Variants in CHD1 observed in about 807,000 individuals in gnomAD.
CHD1 encodes chromodomain helicase DNA binding protein 1.
CHD1 carries 36 observed loss-of-function variants against 224.2 expected under a neutral mutation model. That is an observed-to-expected ratio of 0.16 (90% CI 0.12 to 0.21). The LOEUF (loss-of-function observed/expected upper bound fraction) is 0.21, where lower values mean the gene tolerates loss of function less well. Ranked by LOEUF, CHD1 falls within the 10% of genes least tolerant of loss-of-function variation. The pLI is 1.00. For missense variants in CHD1, 1,378 were observed against 1,994.8 expected (o/e 0.69, Z 5.89); for synonymous variants, 668 against 658.3 (o/e 1.01, Z -0.23).
chr5:98,870,786 G>C lies in CHD1; in HGVS notation c.3879C>G (p.Pro1293=), dbSNP rs201404335. The stretch of plus-strand genomic sequence containing the variant: ...ACTGTTTTGCTTGTGGTTTTTTATC[G>C]GGATCATCTGGAAGAATCTGAAAAA... ...SLTHKILPDD[P]DKKPQAKQLQ... The change falls in exon 29 of 36, where the codon CCC becomes CCG. Residue 1293 remains proline (P), a synonymous_variant. Coordinates refer to ENST00000614616, the MANE Select transcript of CHD1 (RefSeq NM_001270.4). 6.2e-6 allele frequency: 10 copies of C among 1,608,580 alleles called. No homozygotes were observed. Among genetic ancestry groups the C allele is most frequent in the Non-Finnish European group, 8.5e-6 (10 of 1,176,702 alleles).
chr5:98,901,416 C>T, intron 5 of CHD1, 81 bp from the exon 6 acceptor site: 1 of 1,124,398 alleles, frequency 8.9e-7, no homozygotes, highest in Non-Finnish European at 1.3e-6. Context: ...ATCAAATCAA[C>T]CAAACTATAT....
chr5:98,883,361 A>T, intron 18 of CHD1, 124 bp from the exon 19 acceptor site: 1 of 505,874 alleles, frequency 2.0e-6, no homozygotes, highest in Non-Finnish European at 3.5e-6. Flanking sequence ...AAGACCAATC[A>T]ACAAAAAGAC....
chr5:98,928,372 GC>G (rs1753638434), intron 1 of CHD1, among the ~76,000 whole-genome samples, 166 bp downstream of exon 1: 1 of 151,810 alleles, frequency 6.6e-6, no homozygotes, highest in Non-Finnish European at 1.5e-5. Flanking sequence ...CCGCTCACAC[GC>G]CCCCTGCGCG....
At chr5:98,920,916 A>G (rs1419625192) in intron 2 of CHD1, among the ~76,000 whole-genome samples, 1 of 152,198 alleles carries the variant, frequency 6.6e-6, no homozygotes, top group Non-Finnish European at 1.5e-5. Flanking sequence ...ACTCTCACAG[A>G]TGAAAGGAGA....
At chr5:98,868,220 G>A (rs1226881701) in intron 31 of CHD1, among the ~76,000 whole-genome samples, 2 of 151,148 alleles carry the variant, frequency 1.3e-5, no homozygotes, top group African/African-American at 4.9e-5. Flanking sequence ...CCAGCTACTC[G>A]AGAGGCTGAG....
chr5:98,884,476 A>G (rs1337336894), intron 18 of CHD1, among the ~76,000 whole-genome samples: 1 of 151,990 alleles, frequency 6.6e-6, no homozygotes, highest in Non-Finnish European at 1.5e-5. Context: ...CAAAGTAATA[A>G]GAATGATACA....
intron 12 of CHD1, among the ~76,000 whole-genome samples, chr5:98,895,856 G>T (rs1298650460): frequency 6.6e-6 from 1 of 151,912 alleles, no homozygotes; most frequent in East Asian, 1.9e-4. Flanking sequence ...CTTATTTGTG[G>T]CAAGTTCTAT....
chr5:98,898,664 C>A lies in CHD1; in HGVS notation c.1186G>T (p.Ala396Ser). The A allele has an allele frequency of 6.7e-7, 1 of 1,494,710 alleles. No homozygotes were observed. The highest frequency in any genetic ancestry group is 2.3e-5 in the East Asian group (1 of 43,918). 92.6% of individuals were successfully genotyped at this position (1,494,710 alleles called of 1,614,324 possible). ...TTAACTAGAATCATTTATCACTAAC[C>A]AATTATACGTTCCACTATTTGATAC... ...KQYQIVERII[A>S]HSNQKSAAGY... The change falls in exon 9 of 36, where the codon GCT becomes TCT. Residue 396 changes from alanine to serine, a missense_variant and splice_region_variant. Around this residue, in one of 16 missense-constraint regions of CHD1, gnomAD observed 13 missense variants for 23.3 expected, o/e 0.56. Coordinates refer to ENST00000614616, the MANE Select transcript of CHD1 (RefSeq NM_001270.4).
intron 17 of CHD1, among the ~76,000 whole-genome samples, chr5:98,887,025 T>TA (rs1475925794): frequency 1.3e-5 from 2 of 152,248 alleles, no homozygotes; most frequent in Non-Finnish European, 2.9e-5. Context: ...GAGGAATAGC[T>TA]AAAGGCTACA....
Position 98,869,808 on chromosome 5 carries a change from T to C in CHD1, c.4053A>G (p.Ile1351Met). 6.2e-7 allele frequency: 1 copy of C among 1,612,360 alleles called. No homozygotes were observed. ...AAGGCAGAGGAGAAGAATCACTCTT[T>C]ATTTCCTCTTTCACTTTTATAGACT... ...AMKSIKVKEEIKSDSSPLPSE... is the reference protein window; with the variant it reads ...AMKSIKVKEEMKSDSSPLPSE... The change falls in exon 30 of 36, where the codon ATA becomes ATG. Residue 1351 changes from isoleucine (I) to methionine (M), a missense_variant. Ile to Met is a conservative substitution (Grantham distance 10). This residue lies in a region of CHD1 where 105 missense variants were observed against 93.4 expected (regional missense o/e 1.12). Transcript: ENST00000614616.
chr5:98,869,659 G>T (rs1749182847), intron 30 of CHD1, 95 bp downstream of exon 30: 5 of 1,230,096 alleles, frequency 4.1e-6, no homozygotes, highest in African/African-American at 1.6e-5. Context: ...CACAGACTTC[G>T]GTACCTAAAA....
chr5:98,901,476 T>C, intron 5 of CHD1, 141 bp from the exon 6 acceptor site: 1 of 646,726 alleles, frequency 1.5e-6, no homozygotes, highest in Non-Finnish European at 2.4e-6. Flanking sequence ...ATGAAATATT[T>C]ATAAAACAAA....
At chr5:98,896,519 T>C (rs1004276509) in intron 11 of CHD1, 77 bp from the exon 12 acceptor site, 12 of 954,118 alleles carry the variant, frequency 1.3e-5, no homozygotes, top group African/African-American at 1.7e-5. Context: ...CATGTGTATA[T>C]GTTTTTATGA....
chr5:98,879,452 G>C (rs1750006791), intron 23 of CHD1, 100 bp downstream of exon 23: 1 of 1,036,922 alleles, frequency 9.6e-7, no homozygotes, highest in African/African-American at 1.7e-5. Context: ...GCCATTACAA[G>C]AAAAGAAAAC....
intron 1 of CHD1, among the ~76,000 whole-genome samples, chr5:98,927,704 T>C (rs914075520): frequency 2.0e-5 from 3 of 152,176 alleles, no homozygotes; most frequent in African/African-American, 7.2e-5. Flanking sequence ...GTTAACAAAC[T>C]GCCTTTCCCG....
chr5:98,895,308 G>A (rs1751274820), intron 12 of CHD1, among the ~76,000 whole-genome samples: 1 of 152,208 alleles, frequency 6.6e-6, no homozygotes, highest in Non-Finnish European at 1.5e-5. Flanking sequence ...GATGAAATAT[G>A]ATGTCTGGGG....
At chr5:98,878,856 C>A (rs1749960342) in intron 23 of CHD1, among the ~76,000 whole-genome samples, 1 of 152,018 alleles carries the variant, frequency 6.6e-6, no homozygotes, top group Non-Finnish European at 1.5e-5. Flanking sequence ...AAAAGTAACG[C>A]TTAAAGAAAA....
chr5:98,871,958 G>T, intron 28 of CHD1, 93 bp downstream of exon 28: 1 of 1,231,240 alleles, frequency 8.1e-7, no homozygotes, highest in Non-Finnish European at 1.1e-6. Context: ...TTGGTTTCCA[G>T]ATTTCCATTA....
chr5:98,916,450 C>T (rs188434158), intron 2 of CHD1, among the ~76,000 whole-genome samples: 11 of 136,366 alleles, frequency 8.1e-5, no homozygotes, highest in Admixed American at 6.1e-4. Flanking sequence ...GAGGCTGAGG[C>T]AAGAGAATCG....
Sources: gnomAD v4.1 joint callset for allele counts (sites outside exome capture counted in the v4.1 genomes callset) on GRCh38, gnomAD v4.1.1 for gene constraint, gnomAD v4.1.1 regional missense constraint, MANE v1.5 for transcripts, NCBI Gene and HGNC (gene_info 2026-07-23, HGNC 2026-07-21) for gene names.